The following SNX25 variants were observed in gnomAD, a reference collection of about 807,000 sequenced individuals.
SNX25 encodes the protein sorting nexin-25.
A neutral mutation model predicts 113.7 loss-of-function variants in SNX25; 62 were observed. The ratio of observed to expected loss-of-function variants is 0.55; its 90% CI spans 0.44 to 0.67. The LOEUF is 0.67. Among genes scored for constraint, SNX25 ranks in the 30% least tolerant of loss-of-function variants. The pLI, the probability that SNX25 is intolerant of heterozygous loss-of-function variation, is 0.00. For synonymous variants in SNX25, 421 were observed against 436.2 expected (o/e 0.97, Z 0.43); for missense variants, 1,014 against 1,161.0 (o/e 0.87, Z 1.84).
At position 185,362,675 on chromosome 4, in the gene SNX25, A is replaced by C; in HGVS notation, c.2898A>C (p.Ala966=). The C allele has an allele frequency of 6.2e-7, 1 of 1,614,114 alleles. No individual in the cohort carries two copies. The highest frequency in any genetic ancestry group is 8.5e-7 in the Non-Finnish European group (1 of 1,180,022). ...ARHGIIKIFN[A]LQETRANKHL... Reference sequence around the variant, plus strand: ...ACGGTATAATAAAAATATTCAATGCACTGCAAGAAACAAGAGCCAACAAGC... The same window carrying C: ...ACGGTATAATAAAAATATTCAATGCCCTGCAAGAAACAAGAGCCAACAAGC... The change falls in exon 18 of 19, where the codon GCA becomes GCC. Residue 966 remains alanine, a synonymous_variant. Transcript: ENST00000652585.
the SNX25 span, chr4:185,377,299 AC>A: frequency 3.1e-6 from 1 of 327,516 alleles, no homozygotes; most frequent in Admixed American, 4.0e-5. Context: ...CGGGTGGATC[AC>A]CTGAGTTTGG....
At chr4:185,285,741 C>T (rs886246505) in intron 5 of SNX25, among the ~76,000 whole-genome samples, 8 of 152,114 alleles carry the variant, frequency 5.3e-5, no homozygotes, top group African/African-American at 1.2e-4. Context: ...GAACTCCTCC[C>T]GTCTTCTTAC....
At chr4:185,313,066 G>C (rs2095043580) in intron 7 of SNX25, among the ~76,000 whole-genome samples, 1 of 152,160 alleles carries the variant, frequency 6.6e-6, no homozygotes, top group Non-Finnish European at 1.5e-5. Context: ...TGATCCAGAA[G>C]AATTACCATT....
chr4:185,241,571 G>GGAGGGAGAGGGAGAGGAGGGA (rs1744051481), intron 1 of SNX25, among the ~76,000 whole-genome samples: 3 of 147,990 alleles, frequency 2.0e-5, no homozygotes, highest in African/African-American at 7.4e-5. Context: ...GAGAGGGAGA[G>GGAGGGAGAGGGAGAGGAGGGA]GAGGGAGAGG....
At chr4:185,307,033 T>C (rs1445559453) in intron 6 of SNX25, among the ~76,000 whole-genome samples, 1 of 152,202 alleles carries the variant, frequency 6.6e-6, no homozygotes, top group Non-Finnish European at 1.5e-5. Context: ...TGACAGATCA[T>C]CTTGAACAAG....
Position 185,351,302 on chromosome 4 carries a change from A to G in SNX25, c.2302-143A>G, listed in dbSNP as rs145166043. On this transcript the variant is annotated intron_variant, in intron 13 of 18. Coordinates refer to ENST00000652585, the MANE Select transcript of SNX25 (RefSeq NM_001378034.2). ...GAATTGATCTTATATAGTTTGTTTC[A>G]GGGGGAAAGGGAAGTGGTTTTCGGT... The G allele has an allele frequency of 2.2e-4, 174 of 786,076 alleles. No individual in the cohort carries two copies. In the African/African-American group the frequency reaches 2.6e-3, roughly 12 times the overall value. The allele number at this position is 786,076 out of a possible 1,614,324, so 48.7% of individuals were successfully genotyped here.
chr4:185,344,686 C>T (rs186867601), intron 12 of SNX25, among the ~76,000 whole-genome samples: 71 of 152,286 alleles, frequency 4.7e-4, no homozygotes, highest in Middle Eastern at 3.4e-3. Flanking sequence ...TTTGAAGCCA[C>T]GCTGCTCCTT....
At chr4:185,351,117 G>A (rs768411967) in intron 13 of SNX25, among the ~76,000 whole-genome samples, 2 of 152,220 alleles carry the variant, frequency 1.3e-5, no homozygotes, top group Non-Finnish European at 2.9e-5. Context: ...AAAAGTGGTA[G>A]CGCCTGGGAT....
At chr4:185,375,568 A>C in the SNX25 span, 1 of 878,698 alleles carries the variant, frequency 1.1e-6, no homozygotes, top group Non-Finnish European at 1.6e-6. Flanking sequence ...CCAATAATCC[A>C]CTGACAATGA....
intron 2 of SNX25, among the ~76,000 whole-genome samples, chr4:185,248,117 A>G (rs1220770139): frequency 6.6e-6 from 1 of 152,232 alleles, no homozygotes; most frequent in Non-Finnish European, 1.5e-5. Flanking sequence ...CACCATATCA[A>G]AATCTGAAAA....
At chr4:185,347,871 C>T (rs1184847152) in intron 13 of SNX25, among the ~76,000 whole-genome samples, 5 of 152,146 alleles carry the variant, frequency 3.3e-5, no homozygotes, top group African/African-American at 1.2e-4. Context: ...TCAGATCTTA[C>T]GTGCTACAAA....
At chr4:185,360,370 A>C (rs1423228625) in intron 16 of SNX25, among the ~76,000 whole-genome samples, 1 of 152,252 alleles carries the variant, frequency 6.6e-6, no homozygotes, top group Admixed American at 6.5e-5. Flanking sequence ...CTATGTGCAA[A>C]GTACTGGACT....
intron 1 of SNX25, among the ~76,000 whole-genome samples, chr4:185,224,528 CATATATATAAATATATATACAT>C (rs1176094684): frequency 1.4e-3 from 143 of 103,432 alleles, no homozygotes; most frequent in African/African-American, 5.0e-3. Context: ...AATATATATA[CATATATATAAATATATATACAT>C]ATATATAAAT....
intron 2 of SNX25, among the ~76,000 whole-genome samples, chr4:185,251,415 C>T (rs1291844333): frequency 6.6e-6 from 1 of 152,178 alleles, no homozygotes; most frequent in Non-Finnish European, 1.5e-5. Flanking sequence ...TTCCTCCAGC[C>T]TCTGGTAACC....
At chr4:185,321,451 C>T (rs530721493) in intron 8 of SNX25, among the ~76,000 whole-genome samples, 4 of 151,964 alleles carry the variant, frequency 2.6e-5, no homozygotes, top group East Asian at 3.9e-4. Flanking sequence ...TTAGTAGAGA[C>T]GGGGTTTTAC....
At chr4:185,228,193 AG>A (rs1741299486) in intron 1 of SNX25, among the ~76,000 whole-genome samples, 1 of 152,170 alleles carries the variant, frequency 6.6e-6, no homozygotes, top group Non-Finnish European at 1.5e-5. Flanking sequence ...AGTGGTACCT[AG>A]AGGGGAGTGT....
chr4:185,265,596 G>A (rs1747955330), intron 4 of SNX25, among the ~76,000 whole-genome samples: 1 of 152,116 alleles, frequency 6.6e-6, no homozygotes, highest in African/African-American at 2.4e-5. Context: ...CATAAACAGT[G>A]TACGCTTAGG....
intron 1 of SNX25, among the ~76,000 whole-genome samples, chr4:185,219,732 C>G (rs997856978): frequency 6.6e-6 from 1 of 152,138 alleles, no homozygotes; most frequent in African/African-American, 2.4e-5. Flanking sequence ...TAGTCCCCAA[C>G]CTTGAGCTGC....
At position 185,264,461 on chromosome 4, in the gene SNX25, T is replaced by C. The variant is rs1246956934; in HGVS notation, c.755T>C (p.Phe252Ser). 1.1e-5 allele frequency: 18 copies of C among 1,613,252 alleles called. No homozygotes were observed. Among genetic ancestry groups the C allele is most frequent in the Non-Finnish European group, 1.5e-5 (18 of 1,179,930 alleles). The stretch of plus-strand genomic sequence containing the variant: ...AGACATGAAGAACAGCCAAGACCTT[T>C]TGTGTTGCACGCATGCTTGAGGAAC... ...NARHEEQPRP[F>S]VLHACLRNSD... The change falls in exon 4 of 19, where the codon TTT becomes TCT. Residue 252 changes from phenylalanine (F) to serine (S), a missense_variant. By Grantham distance (155) the Phe-to-Ser change is radical. Transcript: ENST00000652585.
Sources: gnomAD v4.1 joint callset for allele counts (sites outside exome capture counted in the v4.1 genomes callset) on GRCh38, gnomAD v4.1.1 for gene constraint, MANE v1.5 for transcripts, NCBI Gene and HGNC (gene_info 2026-07-23, HGNC 2026-07-21) for gene names.